Variants in ANGEL2 observed in about 807,000 individuals in gnomAD.
ANGEL2 encodes angel homolog 2.
Under a neutral mutation model 66.0 loss-of-function variants are expected in ANGEL2, and 41 were observed. The ratio of observed to expected loss-of-function variants is 0.62; its 90% CI spans 0.48 to 0.81. The LOEUF is 0.81. Among genes scored for constraint, ANGEL2 ranks in the 30% least tolerant of loss-of-function variants. ANGEL2 has a pLI of 0.00. For synonymous variants in ANGEL2, 208 were observed against 226.5 expected (o/e 0.92, Z 0.73); for missense variants, 561 against 641.6 (o/e 0.87, Z 1.36).
At chr1:213,015,577 CCT>C (rs1475088147) in intron 1 of ANGEL2, 34 bp downstream of exon 1, 50 of 1,610,702 alleles carry the variant, frequency 3.1e-5, no homozygotes, top group Non-Finnish European at 4.2e-5. Context: ...GCCGCCCGCC[CCT>C]CTCTCCTCCC....
In ANGEL2 at chr1:212,992,520, T is replaced by G. The variant is rs150195880; in HGVS notation, c.*2521A>C. 1 of 152,340 alleles carries G rather than the reference T, an allele frequency of 6.6e-6. No individual in the cohort carries two copies. The highest frequency in any genetic ancestry group is 2.4e-5 in the African/African-American group (1 of 41,566). The allele number at this position is 152,340 out of a possible 1,614,324, so 9.4% of individuals were successfully genotyped here. On this transcript the variant is annotated 3_prime_UTR_variant, in exon 9 of 9. Transcript: ENST00000366962. ...AGGTAAGTACAGGCTCTGGCAGAGT[T>G]ACCAACTATTCTGGTCAACAAAAGT...
Position 213,005,262 on chromosome 1 carries a change from G to A in ANGEL2, c.905C>T (p.Pro302Leu), listed in dbSNP as rs768365552. ...LQPKIPYAAC[P>L]AICVANTHLL... Reference sequence around the variant, plus strand: ...ATGCGTATTTGCTACGCAGATTGCAGGGCAGGCAGCATATGGAATTTTGGG... The same window carrying A: ...ATGCGTATTTGCTACGCAGATTGCAAGGCAGGCAGCATATGGAATTTTGGG... Residue 302 changes from proline to leucine, a missense_variant, in exon 5 of 9, where the codon CCT becomes CTT. By Grantham distance (98) the Pro-to-Leu change is moderately conservative (BLOSUM62 -3). Coordinates refer to ENST00000366962, the MANE Select transcript of ANGEL2 (RefSeq NM_144567.5). 1.2e-6 allele frequency: 2 copies of A among 1,614,246 alleles called. No individual in the cohort carries two copies. Among genetic ancestry groups the A allele is most frequent in the South Asian group, 1.1e-5 (1 of 91,088 alleles).
intron 2 of ANGEL2, among the ~76,000 whole-genome samples, chr1:213,009,053 G>T (rs544369575): frequency 6.6e-6 from 1 of 152,174 alleles, no homozygotes; most frequent in Non-Finnish European, 1.5e-5. Context: ...AATAACAAAA[G>T]AAATCTTTTA....
At position 213,013,412 on chromosome 1, in the gene ANGEL2, G is replaced by T; in HGVS notation, c.66C>A (p.Pro22=). ...GHCVVGRGRY[P]MFPHHSRSLG... is the part of the protein sequence containing the mutation. ...GACTCCTCGAGTGATGGGGAAACAT[G>T]GGGTATCTAAAAGAAATAAATACAC... Residue 22 remains proline (P), a synonymous_variant, in exon 2 of 9, where the codon CCC becomes CCA. Coordinates refer to ENST00000366962, the MANE Select transcript of ANGEL2 (RefSeq NM_144567.5). The T allele has an allele frequency of 1.2e-6, 2 of 1,611,208 alleles. No homozygotes were observed. The highest frequency in any genetic ancestry group is 1.7e-6 in the Non-Finnish European group (2 of 1,178,532).
At chr1:213,007,439 T>C (rs1016535943) in intron 3 of ANGEL2, among the ~76,000 whole-genome samples, 1 of 152,204 alleles carries the variant, frequency 6.6e-6, no homozygotes, top group African/African-American at 2.4e-5. Flanking sequence ...AAAATTATTA[T>C]TTCCAAAAGG....
At position 212,995,121 on chromosome 1, in the gene ANGEL2, A is replaced by AT; in HGVS notation, c.1554dup (p.Trp519MetfsTer4). ...TCGTTTGGAAGTCCATTAACAGTCC[A>AT]TAAGTCTTGTTCTGTAAGAAGTGAC... On this transcript the variant is annotated frameshift_variant, in exon 9 of 9. Transcript: ENST00000366962. LOFTEE classifies it high-confidence loss of function. 1.9e-6 allele frequency: 3 copies of AT among 1,612,464 alleles called. No individual in the cohort carries two copies. The highest frequency in any genetic ancestry group is 2.5e-6 in the Non-Finnish European group (3 of 1,179,062).
intron 5 of ANGEL2, among the ~76,000 whole-genome samples, chr1:213,002,553 ACT>A (rs1006632472): frequency 1.4e-4 from 22 of 152,348 alleles, no homozygotes; most frequent in African/African-American, 5.3e-4. Flanking sequence ...GAAACCAGGC[ACT>A]GACTTCTTCT....
rs1325242772 is a variant in ANGEL2, at chr1:212,995,115, C to T, written c.1561G>A (p.Val521Ile). The T allele has an allele frequency of 9.3e-6, 15 of 1,612,570 alleles. No individual in the cohort carries two copies. The highest frequency in any genetic ancestry group is 1.3e-5 in the Non-Finnish European group (15 of 1,179,120). ...SLLTEQDLWT[V>I]NGLPNENNSS... ...TTATTTTCGTTTGGAAGTCCATTAA[C>T]AGTCCATAAGTCTTGTTCTGTAAGA... The change falls in exon 9 of 9, where the codon GTT (valine) becomes ATT (isoleucine). Residue 521 changes from valine (V) to isoleucine (I), a missense_variant. Coordinates refer to ENST00000366962, the MANE Select transcript of ANGEL2 (RefSeq NM_144567.5).
At chr1:212,998,832 T>C (rs1444680028) in intron 7 of ANGEL2, among the ~76,000 whole-genome samples, 4 of 151,638 alleles carry the variant, frequency 2.6e-5, no homozygotes, top group Admixed American at 6.6e-5. Flanking sequence ...GGCCTCTTTT[T>C]TTCTTTTAAT....
Position 213,000,886 on chromosome 1 carries a change from C to T in ANGEL2, c.1161G>A (p.Arg387=). 1 of 1,611,508 alleles carries T rather than the reference C, an allele frequency of 6.2e-7. No homozygotes were observed. The highest frequency in any genetic ancestry group is 8.5e-7 in the Non-Finnish European group (1 of 1,179,538). ...TTGGAATAGATAAAATTCTTTGTCC[C>T]CGTGAAGACTGTTCCTGGCCAGATA... ...GKVSGQEQSS[R]GQRILSIPIW... The change falls in exon 6 of 9, where the codon CGG becomes CGA. Residue 387 remains arginine, a synonymous_variant. Coordinates refer to ENST00000366962, the MANE Select transcript of ANGEL2 (RefSeq NM_144567.5).
intron 2 of ANGEL2, 148 bp downstream of exon 2, chr1:213,012,945 T>C (rs2076545196): frequency 1.4e-6 from 1 of 703,566 alleles, no homozygotes; most frequent in Non-Finnish European, 2.3e-6. Flanking sequence ...TAAGGAAGAA[T>C]TCATTTTTTT....
chr1:213,013,230 A>G lies in ANGEL2; in HGVS notation c.248T>C (p.Leu83Ser). The G allele has an allele frequency of 1.2e-6, 2 of 1,614,204 alleles. No homozygotes were observed. The highest frequency in any genetic ancestry group is 1.7e-6 in the Non-Finnish European group (2 of 1,180,030). Residue 83 changes from leucine (L) to serine (S), a missense_variant, in exon 2 of 9, where the codon TTG becomes TCG. Transcript: ENST00000366962. ...HFSLNWRPPC[L>S]FESRTQFQYC... ...CTGGAACTGAGTTCTAGACTCAAAC[A>G]AACAGGGTGGTCTCCAATTTAGTGA... is the stretch of plus-strand genomic sequence containing the variant.
intron 2 of ANGEL2, among the ~76,000 whole-genome samples, chr1:213,011,799 T>C (rs2076516528): frequency 6.6e-6 from 1 of 152,222 alleles, no homozygotes; most frequent in Non-Finnish European, 1.5e-5. Context: ...CCCAGATTTC[T>C]AAGAGGCTAA....
At chr1:213,002,782 G>A (rs1017993393) in intron 5 of ANGEL2, among the ~76,000 whole-genome samples, 7 of 151,990 alleles carry the variant, frequency 4.6e-5, no homozygotes, top group African/African-American at 7.2e-5. Flanking sequence ...TTAGCCCGGC[G>A]TGGAGGCATG....
At chr1:212,997,056 G>T in intron 8 of ANGEL2, 99 bp downstream of exon 8, 1 of 1,103,974 alleles carries the variant, frequency 9.1e-7, no homozygotes, top group Non-Finnish European at 1.3e-6. Context: ...TCTAGATCTA[G>T]AACTTCAACT....
chr1:212,996,940 G>T (rs938835110), intron 8 of ANGEL2, among the ~76,000 whole-genome samples: 5 of 151,878 alleles, frequency 3.3e-5, no homozygotes, highest in African/African-American at 9.7e-5. Context: ...GTAATTCTTG[G>T]GTAATAATTT....
At chr1:213,000,690 A>T in intron 6 of ANGEL2, 96 bp downstream of exon 6, 1 of 1,327,666 alleles carries the variant, frequency 7.5e-7, no homozygotes, top group Non-Finnish European at 1.0e-6. Context: ...ATGAATATTC[A>T]TCCCTGAGAT....
intron 1 of ANGEL2, among the ~76,000 whole-genome samples, chr1:213,014,635 C>CT (rs889309745): frequency 6.6e-6 from 1 of 152,058 alleles, no homozygotes; most frequent in Non-Finnish European, 1.5e-5. Flanking sequence ...TTTATTCAGA[C>CT]TTTTTTTTCT....
chr1:212,995,126 T>G lies in ANGEL2; in HGVS notation c.1550A>C (p.Asp517Ala), dbSNP rs766303972. 1 of 1,611,306 alleles carries G rather than the reference T, an allele frequency of 6.2e-7. No individual in the cohort carries two copies. Among genetic ancestry groups the G allele is most frequent in the South Asian group, 1.1e-5 (1 of 90,706 alleles). The change falls in exon 9 of 9, where the codon GAC becomes GCC. Residue 517 changes from aspartate (D) to alanine (A), a missense_variant. Physicochemically the swap from Asp to Ala is moderately radical, Grantham distance 126. Transcript: ENST00000366962. ...LARLSLLTEQ[D>A]LWTVNGLPNE... The stretch of plus-strand genomic sequence containing the variant: ...TGGAAGTCCATTAACAGTCCATAAG[T>G]CTTGTTCTGTAAGAAGTGACAGTCT...
Sources: gnomAD v4.1 joint callset for allele counts (sites outside exome capture counted in the v4.1 genomes callset) on GRCh38, gnomAD v4.1.1 for gene constraint, MANE v1.5 for transcripts, NCBI Gene and HGNC (gene_info 2026-07-23, HGNC 2026-07-21) for gene names.